Variants in SPATS2L observed in about 807,000 individuals in gnomAD.
The protein encoded by SPATS2L is spermatogenesis associated serine rich 2 like, also known as SPATS2-like protein.
A neutral mutation model predicts 59.6 loss-of-function variants in SPATS2L; 30 were observed. The ratio of observed to expected loss-of-function variants is 0.50; its 90% confidence interval spans 0.38 to 0.68. The LOEUF (loss-of-function observed/expected upper bound fraction) is 0.68, where lower values mean the gene tolerates loss of function less well. SPATS2L is among the 30% of genes least tolerant of loss of function. SPATS2L has a pLI of 0.00. For missense variants in SPATS2L, 615 were observed against 700.0 expected (o/e 0.88, Z 1.37); for synonymous variants, 252 against 263.5 (o/e 0.96, Z 0.42).
At chr2:200,425,385 T>A (rs2083508911) in intron 6 of SPATS2L, among the ~76,000 whole-genome samples, 1 of 152,088 alleles carries the variant, frequency 6.6e-6, no homozygotes, top group Admixed American at 6.5e-5. Flanking sequence ...AATGTGTGTA[T>A]CTAGGATTTC....
chr2:200,348,232 G>C (rs1317905804), intron 2 of SPATS2L, among the ~76,000 whole-genome samples: 1 of 152,176 alleles, frequency 6.6e-6, no homozygotes, highest in African/African-American at 2.4e-5. Flanking sequence ...GAAGTTATAG[G>C]GCAGTGACAG....
intron 2 of SPATS2L, among the ~76,000 whole-genome samples, chr2:200,335,139 C>T (rs915850000): frequency 6.6e-6 from 1 of 151,988 alleles, no homozygotes; most frequent in African/African-American, 2.4e-5. Context: ...TTCTTCCTAC[C>T]CATGAGCATA....
chr2:200,477,117 G>A (rs946854440), intron 12 of SPATS2L, among the ~76,000 whole-genome samples: 5 of 152,128 alleles, frequency 3.3e-5, no homozygotes, highest in Admixed American at 2.0e-4. Flanking sequence ...GTAGGCCAGG[G>A]GTGGTTTTGG....
At chr2:200,354,625 A>G (rs2080852945) in intron 2 of SPATS2L, among the ~76,000 whole-genome samples, 1 of 150,702 alleles carries the variant, frequency 6.6e-6, no homozygotes, top group Non-Finnish European at 1.5e-5. Context: ...AAGAGAATGG[A>G]GTTCAGCCTT....
intron 1 of SPATS2L, among the ~76,000 whole-genome samples, chr2:200,316,260 T>C (rs2079374765): frequency 6.6e-6 from 1 of 152,190 alleles, no homozygotes; most frequent in African/African-American, 2.4e-5. Context: ...TTGCCTGCTG[T>C]AGTCTGTTGG....
chr2:200,362,617 AG>A (rs1249434653), intron 2 of SPATS2L, among the ~76,000 whole-genome samples: 1 of 152,184 alleles, frequency 6.6e-6, no homozygotes, highest in East Asian at 1.9e-4. Flanking sequence ...CTTAATTGCA[AG>A]GGAGGATGGA....
intron 6 of SPATS2L, among the ~76,000 whole-genome samples, chr2:200,438,408 C>CT (rs1247656885): frequency 1.1e-4 from 16 of 152,280 alleles, no homozygotes; most frequent in African/African-American, 3.8e-4. Flanking sequence ...TTTCAGGCCA[C>CT]TAACATGCTA....
intron 9 of SPATS2L, among the ~76,000 whole-genome samples, chr2:200,462,371 A>G (rs1047674873): frequency 6.6e-6 from 1 of 152,234 alleles, no homozygotes; most frequent in African/African-American, 2.4e-5. Flanking sequence ...CCTTGTGTCC[A>G]GGATAAACAG....
At chr2:200,316,567 C>T (rs991410715) in intron 1 of SPATS2L, among the ~76,000 whole-genome samples, 8 of 152,196 alleles carry the variant, frequency 5.3e-5, no homozygotes, top group African/African-American at 1.9e-4. Flanking sequence ...TGCAGTTTGC[C>T]TTGTCCAGGT....
chr2:200,306,187 T>A, upstream of SPATS2L: 1 of 1,001,278 alleles, frequency 1.0e-6, no homozygotes, highest in Non-Finnish European at 1.2e-6. Flanking sequence ...CTATCTTTGC[T>A]TACATTTTGA....
upstream of SPATS2L, chr2:200,306,602 G>T: frequency 1.0e-6 from 1 of 997,426 alleles, no homozygotes; most frequent in Non-Finnish European, 1.2e-6. Flanking sequence ...TGTGCTCCTG[G>T]TGAGTGACAC....
intron 10 of SPATS2L, among the ~76,000 whole-genome samples, chr2:200,468,545 G>A (rs777329302): frequency 1.1e-4 from 16 of 152,154 alleles, no homozygotes; most frequent in Non-Finnish European, 1.9e-4. Context: ...GCATGAAAGC[G>A]GGCCCCATGG....
chr2:200,429,150 G>A (rs1031456154), intron 6 of SPATS2L, among the ~76,000 whole-genome samples: 2 of 152,110 alleles, frequency 1.3e-5, no homozygotes, highest in Admixed American at 1.3e-4. Flanking sequence ...AGCTATGCTG[G>A]TCTCTGTTTG....
At chr2:200,426,328 G>T (rs1489007145) in intron 6 of SPATS2L, among the ~76,000 whole-genome samples, 2 of 151,890 alleles carry the variant, frequency 1.3e-5, no homozygotes, top group Non-Finnish European at 2.9e-5. Context: ...CTGACCTTGT[G>T]ATCTGCCCAC....
At chr2:200,359,984 G>T (rs2081043067) in intron 2 of SPATS2L, among the ~76,000 whole-genome samples, 2 of 152,106 alleles carry the variant, frequency 1.3e-5, no homozygotes, top group South Asian at 4.2e-4. Context: ...GAATATATTG[G>T]AGCTTATATT....
chr2:200,335,550 A>G (rs1041185340), intron 2 of SPATS2L, among the ~76,000 whole-genome samples: 1 of 152,198 alleles, frequency 6.6e-6, no homozygotes, highest in Non-Finnish European at 1.5e-5. Context: ...TTAATGAGTT[A>G]TAGTAATAAT....
At chr2:200,428,998 G>A (rs73986894) in intron 6 of SPATS2L, among the ~76,000 whole-genome samples, 9,000 of 152,146 alleles carry the variant, frequency 0.059, 553 homozygotes, top group East Asian at 0.16. Context: ...TCTCTATCCT[G>A]TAATCTTTTC....
At chr2:200,327,626 T>C (rs1367063475) in intron 1 of SPATS2L, among the ~76,000 whole-genome samples, 1 of 152,238 alleles carries the variant, frequency 6.6e-6, no homozygotes, top group Admixed American at 6.5e-5. Context: ...AACACAACAA[T>C]GTTTGCCTTT....
At chr2:200,414,479 A>G (rs1213051958) in intron 4 of SPATS2L, among the ~76,000 whole-genome samples, 4 of 151,930 alleles carry the variant, frequency 2.6e-5, no homozygotes, top group African/African-American at 4.8e-5. Flanking sequence ...TTTTGTTTTT[A>G]ATTAGTCTAG....
Sources: allele counts gnomAD v4.1 joint callset (sites outside exome capture counted in the v4.1 genomes callset), GRCh38; gene constraint gnomAD v4.1.1; transcripts MANE v1.5; gene names NCBI Gene and HGNC (gene_info 2026-07-23, HGNC 2026-07-21).